RORA: variants seen among roughly 807,000 people sequenced by gnomAD.
The protein encoded by RORA is nuclear receptor ROR-alpha.
In RORA, 7 loss-of-function variants were observed where a neutral mutation model predicts 69.5. The ratio of observed to expected loss-of-function variants is 0.10; its 90% CI spans 0.06 to 0.19. The LOEUF is 0.19. Among genes scored for constraint, RORA ranks in the 10% least tolerant of loss-of-function variants. RORA has a pLI of 1.00. For missense variants in RORA, 457 were observed against 663.0 expected, an observed-to-expected ratio of 0.69 and a Z score of 3.41; for synonymous variants, 261 against 240.8, an observed-to-expected ratio of 1.08 and a Z score of -0.78.
intron 1 of RORA, among the ~76,000 whole-genome samples, chr15:61,167,629 A>G (rs905555407): frequency 6.6e-5 from 10 of 152,242 alleles, no homozygotes; most frequent in Non-Finnish European, 1.2e-4. Flanking sequence ...AGGACCAGCA[A>G]GGTTGGCATC....
chr15:60,563,356 C>G (rs974828), intron 2 of RORA, among the ~76,000 whole-genome samples: 1 of 152,040 alleles, frequency 6.6e-6, no homozygotes, highest in South Asian at 2.1e-4. Flanking sequence ...GGCCTAAGCA[C>G]GCATTTTTTC....
chr15:60,521,662 G>A (rs1428231051), intron 3 of RORA, among the ~76,000 whole-genome samples: 1 of 152,184 alleles, frequency 6.6e-6, no homozygotes, highest in Non-Finnish European at 1.5e-5. Context: ...ATGAAGTTTA[G>A]AATGTTAAAT....
intron 1 of RORA, among the ~76,000 whole-genome samples, chr15:60,702,395 C>A (rs148629295): frequency 1.6e-4 from 24 of 152,212 alleles, no homozygotes; most frequent in African/African-American, 5.8e-4. Flanking sequence ...CCATGCCTGG[C>A]TAATTTTTGT....
chr15:60,923,143 A>T (rs10220806), intron 1 of RORA, among the ~76,000 whole-genome samples: 115,824 of 152,206 alleles, frequency 0.76, 44,739 homozygotes, highest in East Asian at 0.93. Context: ...TCTTGCACAC[A>T]GGATGCCGTC....
chr15:60,603,093 G>A (rs2068856837), intron 2 of RORA, among the ~76,000 whole-genome samples: 1 of 152,206 alleles, frequency 6.6e-6, no homozygotes. Context: ...CCGTGTTGTT[G>A]AGTACAATAA....
chr15:61,173,316 G>C (rs1244003343), intron 1 of RORA, among the ~76,000 whole-genome samples: 2 of 152,184 alleles, frequency 1.3e-5, no homozygotes, highest in Non-Finnish European at 2.9e-5. Context: ...TTTAACCACT[G>C]CACTGTGCAG....
At chr15:60,813,416 G>C (rs1367423413) in intron 1 of RORA, among the ~76,000 whole-genome samples, 2 of 151,114 alleles carry the variant, frequency 1.3e-5, no homozygotes, top group East Asian at 3.9e-4. Flanking sequence ...CGAAGTGTAT[G>C]GGTGGCAAAG....
At chr15:60,943,716 G>A (rs1358622680) in intron 1 of RORA, among the ~76,000 whole-genome samples, 1 of 151,804 alleles carries the variant, frequency 6.6e-6, no homozygotes, top group Non-Finnish European at 1.5e-5. Flanking sequence ...AGGAGTTCAA[G>A]ACCAGCCTGG....
chr15:60,919,403 G>A (rs1891973563), intron 1 of RORA, among the ~76,000 whole-genome samples: 1 of 152,208 alleles, frequency 6.6e-6, no homozygotes. Context: ...CAGGCCTGGA[G>A]CCCACACAGG....
At chr15:60,730,199 C>T (rs183092020) in intron 1 of RORA, among the ~76,000 whole-genome samples, 2 of 152,326 alleles carry the variant, frequency 1.3e-5, no homozygotes, top group Admixed American at 1.3e-4. Context: ...CTAGATGATG[C>T]TGGAAGGTCT....
At chr15:60,516,047 TTATATATATTTATATATATTTA>T (rs2065896498) in intron 3 of RORA, among the ~76,000 whole-genome samples, 9 of 4,802 alleles carry the variant, frequency 1.9e-3, no homozygotes, top group Non-Finnish European at 2.9e-3. Flanking sequence ...ATTTATATAT[TTATATATATTTATATATATTTA>T]TATATATTTA....
intron 2 of RORA, among the ~76,000 whole-genome samples, chr15:60,618,313 T>C (rs1460321793): frequency 2.0e-5 from 3 of 152,192 alleles, no homozygotes; most frequent in African/African-American, 2.4e-5. Flanking sequence ...CTCTGCTACA[T>C]TGCTCTCTGC....
At chr15:60,948,896 A>G (rs957082832) in intron 1 of RORA, among the ~76,000 whole-genome samples, 7 of 152,216 alleles carry the variant, frequency 4.6e-5, no homozygotes, top group African/African-American at 9.6e-5. Context: ...TTCAGGCAGG[A>G]GAGGAATCAA....
At chr15:60,858,999 G>A (rs1290368239) in intron 1 of RORA, among the ~76,000 whole-genome samples, 1 of 150,086 alleles carries the variant, frequency 6.7e-6, no homozygotes, top group Non-Finnish European at 1.5e-5. Context: ...TTTTTTTCCT[G>A]GGGGCTTGGG....
chr15:60,831,709 G>A (rs1406940025), intron 1 of RORA, among the ~76,000 whole-genome samples: 3 of 152,070 alleles, frequency 2.0e-5, no homozygotes, highest in Non-Finnish European at 2.9e-5. Context: ...GTCATTTCAC[G>A]ACTCTTGAAC....
At chr15:60,825,291 G>A (rs1239987617) in intron 1 of RORA, among the ~76,000 whole-genome samples, 1 of 152,154 alleles carries the variant, frequency 6.6e-6, no homozygotes, top group African/African-American at 2.4e-5. Flanking sequence ...CACCACCCAA[G>A]CACAGAGAAG....
At chr15:60,724,554 T>C (rs2071333688) in intron 1 of RORA, among the ~76,000 whole-genome samples, 1 of 152,182 alleles carries the variant, frequency 6.6e-6, no homozygotes, top group Non-Finnish European at 1.5e-5. Context: ...ACTCAGTAGC[T>C]TTCCCTATTG....
Position 61,131,822 on chromosome 15 carries a change from C to T in RORA, c.166+97231G>A, listed in dbSNP as rs1038841595. Among the ~76,000 whole-genome samples, 2 of 152,142 alleles carry T rather than the reference C, an allele frequency of 1.3e-5. No individual in the cohort carries two copies. The highest frequency in any genetic ancestry group is 2.4e-5 in the African/African-American group (1 of 41,420). Reference sequence around the variant, plus strand: ...ACTGGACTCCAGTTCTGCCACCAAACGGATGTGTAACTCTAAGCAAGTCAT... The same window carrying T: ...ACTGGACTCCAGTTCTGCCACCAAATGGATGTGTAACTCTAAGCAAGTCAT... On this transcript the variant is annotated intron_variant, in intron 1 of 10. Coordinates refer to ENST00000335670, the MANE Select transcript of RORA (RefSeq NM_134261.3). The surrounding 1 kb of genome is among the most constrained non-coding windows in gnomAD (Gnocchi z 4.2).
At chr15:60,927,858 C>T (rs759808634) in intron 1 of RORA, among the ~76,000 whole-genome samples, 12 of 152,104 alleles carry the variant, frequency 7.9e-5, no homozygotes, top group African/African-American at 2.7e-4. Context: ...CCATTCAGTC[C>T]GATGTTCTCA....
Sources: gnomAD v4.1 joint callset for allele counts (sites outside exome capture counted in the v4.1 genomes callset) on GRCh38, gnomAD v4.1.1 for gene constraint, Gnocchi (gnomAD v3.1) non-coding constraint, MANE v1.5 for transcripts, NCBI Gene and HGNC (gene_info 2026-07-23, HGNC 2026-07-21) for gene names.